FBXO21: variants seen among roughly 807,000 people sequenced by gnomAD.
The protein encoded by FBXO21 is F-box protein 21, also known as F-box only protein 21.
A neutral mutation model predicts 76.6 loss-of-function variants in FBXO21; 32 were observed. The observed-to-expected ratio is 0.42, with a 90% CI of 0.32 to 0.56. The LOEUF (loss-of-function observed/expected upper bound fraction) is 0.56, where lower values mean the gene tolerates loss of function less well. Among genes scored for constraint, FBXO21 ranks in the 20% least tolerant of loss-of-function variants. The pLI is 0.16. For synonymous variants in FBXO21, 328 were observed against 311.5 expected, an observed-to-expected ratio of 1.05 and a Z score of -0.56; for missense variants, 586 against 797.3, an observed-to-expected ratio of 0.73 and a Z score of 3.19.
Position 117,174,227 on chromosome 12 carries a change from G to A in FBXO21, c.854C>T (p.Ala285Val). Residue 285 changes from alanine (A) to valine (V), a missense_variant, in exon 6 of 12, where the codon GCC becomes GTC. By Grantham distance (64) the Ala-to-Val change is moderately conservative. This residue lies in a region of FBXO21 where 246 missense variants were observed against 356.8 expected (regional missense o/e 0.69). Coordinates refer to ENST00000622495, the MANE Select transcript of FBXO21 (RefSeq NM_015002.3). ...FKGNRMDYYN[A>V]LNLYMHQVLI... ...TACCTGATGCATATATAAGTTGAGG[G>A]CATTATAGTAATCCATTCGATTCCC... The A allele has an allele frequency of 6.2e-7, 1 of 1,612,360 alleles. No homozygotes were observed. The highest frequency in any genetic ancestry group is 2.2e-5 in the East Asian group (1 of 44,874).
At chr12:117,188,816 CA>C (rs1956314857) in intron 2 of FBXO21, 1 of 189,392 alleles carries the variant, frequency 5.3e-6, no homozygotes, top group Non-Finnish European at 1.1e-5. Context: ...AGAGAAGAAC[CA>C]CATTAATTTC....
In FBXO21 at chr12:117,146,028, G is replaced by A. The variant is rs1226385244; in HGVS notation, c.*59C>T. On this transcript the variant is annotated 3_prime_UTR_variant, in exon 12 of 12. Coordinates refer to ENST00000622495, the MANE Select transcript of FBXO21 (RefSeq NM_015002.3). ...GGCTCCGTGGAGACGTCTTCTTCCG[G>A]AGTCCCGTTCTCTTGGAAGATAGCA... The A allele has an allele frequency of 7.1e-7, 1 of 1,411,752 alleles. No homozygotes were observed. The highest frequency in any genetic ancestry group is 1.4e-5 in the African/African-American group (1 of 69,268). The allele number at this position is 1,411,752 out of a possible 1,614,324, so 87.5% of individuals were successfully genotyped here. A position where few individuals can be genotyped will look rare whatever the true frequency, so the allele number is the denominator to read the frequency against.
intron 3 of FBXO21, among the ~76,000 whole-genome samples, chr12:117,182,602 G>A (rs188644468): frequency 5.7e-5 from 7 of 122,776 alleles, no homozygotes; most frequent in African/African-American, 6.5e-5. Context: ...CGAGTCTGTC[G>A]CCCAGGCTGG....
At chr12:117,148,529 C>G (rs1955804553) in intron 11 of FBXO21, among the ~76,000 whole-genome samples, 1 of 152,256 alleles carries the variant, frequency 6.6e-6, no homozygotes, top group Non-Finnish European at 1.5e-5. Context: ...GGCCATGGAT[C>G]AGGGGTTGCT....
In FBXO21 at chr12:117,190,210, T is replaced by C; in HGVS notation, c.239+8A>G. On this transcript the variant is annotated splice_region_variant and intron_variant, in intron 1 of 11. Coordinates refer to ENST00000622495, the MANE Select transcript of FBXO21 (RefSeq NM_015002.3). Reference sequence around the variant, plus strand: ...GCGCGCAGCCGGGGCGCGGGGCCGCTGGCTCACCTCACCCGGAACTGCTCC... The same window carrying C: ...GCGCGCAGCCGGGGCGCGGGGCCGCCGGCTCACCTCACCCGGAACTGCTCC... 7.9e-6 allele frequency: 11 copies of C among 1,385,302 alleles called. No homozygotes were observed. Among genetic ancestry groups the C allele is most frequent in the Non-Finnish European group, 1.0e-5 (11 of 1,066,568 alleles). The allele number at this position is 1,385,302 out of a possible 1,614,324, so 85.8% of individuals were successfully genotyped here.
At chr12:117,155,532 G>C (rs1955904522) in intron 11 of FBXO21, 2 of 558,660 alleles carry the variant, frequency 3.6e-6, no homozygotes, top group Admixed American at 3.1e-5. Context: ...GGCATAGACA[G>C]TGGCCAATCA....
intron 5 of FBXO21, 131 bp downstream of exon 5, chr12:117,174,520 G>A: frequency 8.1e-7 from 1 of 1,241,726 alleles, no homozygotes; most frequent in South Asian, 1.4e-5. Flanking sequence ...CTTCAACCAG[G>A]TAAACACGTG....
intron 9 of FBXO21, among the ~76,000 whole-genome samples, chr12:117,162,515 G>A (rs938050784): frequency 2.0e-5 from 3 of 152,046 alleles, no homozygotes; most frequent in Non-Finnish European, 4.4e-5. Context: ...GGAAGGAGGC[G>A]TTCAGTCAGT....
intron 9 of FBXO21, among the ~76,000 whole-genome samples, chr12:117,161,891 C>A (rs572505738): frequency 1.1e-4 from 16 of 152,294 alleles, no homozygotes; most frequent in African/African-American, 3.9e-4. Context: ...AAGGGAGTAG[C>A]CTGCAGTGAC....
At chr12:117,187,740 G>A (rs1212360168) in intron 2 of FBXO21, among the ~76,000 whole-genome samples, 1 of 152,192 alleles carries the variant, frequency 6.6e-6, no homozygotes, top group East Asian at 1.9e-4. Flanking sequence ...AAACCAGCTG[G>A]ACTAGAAATG....
At chr12:117,160,233 A>G (rs1022739250) in intron 9 of FBXO21, among the ~76,000 whole-genome samples, 4 of 152,162 alleles carry the variant, frequency 2.6e-5, no homozygotes, top group Non-Finnish European at 5.9e-5. Context: ...ATAAGTAAAC[A>G]AACACAACTT....
Sources: allele counts gnomAD v4.1 joint callset (sites outside exome capture counted in the v4.1 genomes callset), GRCh38; gene constraint gnomAD v4.1.1; regional missense constraint gnomAD v4.1.1; transcripts MANE v1.5; gene names NCBI Gene and HGNC (gene_info 2026-07-23, HGNC 2026-07-21).